The following ROR2 variants were observed in gnomAD, a reference collection of about 807,000 sequenced individuals.
ROR2 encodes the protein ROR family WNT receptor 2, also known as tyrosine-protein kinase transmembrane receptor ROR2.
A neutral mutation model predicts 74.9 loss-of-function variants in ROR2; 33 were observed. That is an observed-to-expected ratio of 0.44 (90% confidence interval 0.33 to 0.59). ROR2 has a LOEUF of 0.59. Among genes scored for constraint, ROR2 ranks in the 20% least tolerant of loss-of-function variants. ROR2 has a pLI of 0.02. For missense variants in ROR2, 1,216 were observed against 1,313.8 expected, an observed-to-expected ratio of 0.93 and a Z score of 1.15; for synonymous variants, 586 against 558.7, an observed-to-expected ratio of 1.05 and a Z score of -0.69.
intron 1 of ROR2, among the ~76,000 whole-genome samples, chr9:91,776,559 G>A (rs1313476237): frequency 6.6e-6 from 1 of 152,178 alleles, no homozygotes; most frequent in Non-Finnish European, 1.5e-5. Context: ...CTCAACAATA[G>A]GTAAACCACA....
At chr9:91,886,606 C>G (rs1048434235) in intron 1 of ROR2, 1 of 152,390 alleles carries the variant, frequency 6.6e-6, no homozygotes, top group Non-Finnish European at 1.5e-5. Context: ...ACCCCCGGCC[C>G]GGGCTGCTCC....
At chr9:91,764,391 AT>A (rs1324190993) in intron 2 of ROR2, among the ~76,000 whole-genome samples, 1 of 151,266 alleles carries the variant, frequency 6.6e-6, no homozygotes, top group Non-Finnish European at 1.5e-5. Context: ...ATTGCCTTTT[AT>A]TTTTTCTTTC....
chr9:91,888,706 G>A (rs1830350950), intron 1 of ROR2, among the ~76,000 whole-genome samples: 1 of 152,188 alleles, frequency 6.6e-6, no homozygotes, highest in South Asian at 2.1e-4. Context: ...GTGTCCATGT[G>A]CATTAATAAG....
intron 1 of ROR2, among the ~76,000 whole-genome samples, chr9:91,943,985 A>T (rs1259042428): frequency 6.6e-6 from 1 of 152,228 alleles, no homozygotes; most frequent in African/African-American, 2.4e-5. Flanking sequence ...AAGATCAGGA[A>T]CAAGACAAGA....
intron 1 of ROR2, among the ~76,000 whole-genome samples, chr9:91,780,129 C>T (rs1009188977): frequency 2.6e-5 from 4 of 152,188 alleles, no homozygotes; most frequent in Non-Finnish European, 5.9e-5. Context: ...CAGTGGCTCA[C>T]GCCTGTAATC....
At chr9:91,883,819 G>A (rs1280278269) in intron 1 of ROR2, among the ~76,000 whole-genome samples, 5 of 152,252 alleles carry the variant, frequency 3.3e-5, no homozygotes, top group South Asian at 2.1e-4. Context: ...CCTTGCTAGC[G>A]CTTAAATCAC....
intron 1 of ROR2, among the ~76,000 whole-genome samples, chr9:91,878,127 A>G (rs1209018526): frequency 6.6e-6 from 1 of 152,180 alleles, no homozygotes; most frequent in Non-Finnish European, 1.5e-5. Context: ...TTTCATTGCT[A>G]GGAAAAAAAA....
chr9:91,866,626 G>A (rs7853161), intron 1 of ROR2, among the ~76,000 whole-genome samples: 6,108 of 152,064 alleles, frequency 0.04, 172 homozygotes, highest in East Asian at 0.093. Flanking sequence ...TTCCACAGCA[G>A]AATAAACTTG....
intron 1 of ROR2, among the ~76,000 whole-genome samples, chr9:91,817,172 G>A (rs765888435): frequency 6.6e-5 from 10 of 152,164 alleles, no homozygotes; most frequent in African/African-American, 1.7e-4. Flanking sequence ...TGGTGAGGCG[G>A]TTGGCTTGGC....
At chr9:91,746,882 GTGTGTGTA>G (rs1825439415) in intron 4 of ROR2, among the ~76,000 whole-genome samples, 2 of 149,860 alleles carry the variant, frequency 1.3e-5, no homozygotes, top group Admixed American at 1.4e-4. Flanking sequence ...GTGTGTGTGT[GTGTGTGTA>G]GCACAATATG....
chr9:91,861,770 T>C (rs770605999), intron 1 of ROR2, among the ~76,000 whole-genome samples: 9 of 152,232 alleles, frequency 5.9e-5, no homozygotes, highest in Non-Finnish European at 8.8e-5. Context: ...TAAAAACTTG[T>C]GTGCTTCAAC....
At chr9:91,834,371 C>A (rs1470099723) in intron 1 of ROR2, among the ~76,000 whole-genome samples, 1 of 152,230 alleles carries the variant, frequency 6.6e-6, no homozygotes, top group Non-Finnish European at 1.5e-5. Flanking sequence ...TAACTCAACA[C>A]CAGCCCTGCT....
chr9:91,845,827 G>A (rs946899723), intron 1 of ROR2, among the ~76,000 whole-genome samples: 1 of 127,106 alleles, frequency 7.9e-6, no homozygotes, highest in Non-Finnish European at 1.6e-5. Flanking sequence ...GCAGTGAGCT[G>A]AGATCATGCC....
chr9:91,817,788 G>A (rs1450905403), intron 1 of ROR2, among the ~76,000 whole-genome samples: 2 of 152,132 alleles, frequency 1.3e-5, no homozygotes, highest in Admixed American at 6.5e-5. Flanking sequence ...GATTTACTTA[G>A]GGAGTAAAAG....
At chr9:91,848,550 C>T (rs1029614915) in intron 1 of ROR2, among the ~76,000 whole-genome samples, 7 of 152,094 alleles carry the variant, frequency 4.6e-5, no homozygotes, top group South Asian at 2.1e-4. Context: ...CACCTGAGGT[C>T]GGAAGTTCAA....
rs1837044134 is a variant in ROR2, at chr9:91,726,595, C to T, written c.1332G>A (p.Leu444=). The T allele has an allele frequency of 1.2e-6, 2 of 1,613,724 alleles. No homozygotes were observed. Among genetic ancestry groups the T allele is most frequent in the Non-Finnish European group, 1.7e-6 (2 of 1,180,026 alleles). ...CCATGTCTTGGCTGGGCGAGGCCAT[C>T]AGCTGTCGCCGCTGCGGTGTGGACG... The part of the protein sequence containing the change: ...ASASTPQRRQ[L]MASPSQDMEM... The change falls in exon 8 of 9, where the codon CTG becomes CTA. Residue 444 remains leucine, a synonymous_variant. Transcript: ENST00000375708.
intron 1 of ROR2, among the ~76,000 whole-genome samples, chr9:91,843,178 G>T (rs1828833613): frequency 6.6e-6 from 1 of 152,216 alleles, no homozygotes; most frequent in Admixed American, 6.5e-5. Flanking sequence ...AAAAAACACA[G>T]TGGCCTGCGG....
intron 3 of ROR2, 93 bp from the exon 4 acceptor site, chr9:91,756,194 C>T: frequency 7.8e-7 from 1 of 1,279,266 alleles, no homozygotes. Context: ...CAGGCTGAAG[C>T]CAGCGGGCTC....
At position 91,917,994 on chromosome 9, in the gene ROR2, G is replaced by A. The variant is rs537106927; in HGVS notation, c.97+31873C>T. Among the ~76,000 whole-genome samples, 12 of 152,020 alleles carry A rather than the reference G, an allele frequency of 7.9e-5. No individual in the cohort carries two copies. In the East Asian group the frequency reaches 1.4e-3, roughly 17 times the overall value. ...CATTAGAAGCTGAAGGGCACAGGCC[G>A]GGCGCGGTGGCTCACACCTGTAATC... On this transcript the variant is annotated intron_variant, in intron 1 of 8. Coordinates refer to ENST00000375708, the MANE Select transcript of ROR2 (RefSeq NM_004560.4).
Sources: gnomAD v4.1 joint callset for allele counts (sites outside exome capture counted in the v4.1 genomes callset) on GRCh38, gnomAD v4.1.1 for gene constraint, MANE v1.5 for transcripts, NCBI Gene and HGNC (gene_info 2026-07-23, HGNC 2026-07-21) for gene names.